DDX19A: variants seen among roughly 807,000 people sequenced by gnomAD.
The protein encoded by DDX19A is ATP-dependent RNA helicase DDX19A.
Under a neutral mutation model 60.6 loss-of-function variants are expected in DDX19A, and 12 were observed. The ratio of observed to expected loss-of-function variants is 0.20; its 90% CI spans 0.13 to 0.32. The LOEUF is 0.32. Ranked by LOEUF, DDX19A falls within the 10% of genes least tolerant of loss-of-function variation. The probability of loss-of-function intolerance (pLI) is 1.00; values close to 1 mark genes in which losing one functional copy is unlikely to be tolerated. For missense variants in DDX19A, 337 were observed against 600.6 expected (o/e 0.56, Z 4.59); for synonymous variants, 206 against 218.2 (o/e 0.94, Z 0.49).
chr16:70,348,101 T>C (rs1963896332), intron 1 of DDX19A: 7 of 313,912 alleles, frequency 2.2e-5, no homozygotes, highest in Admixed American at 1.7e-4. Context: ...GAAATATCAG[T>C]GTAGAAGTTA....
Position 70,346,930 on chromosome 16 carries a change from G to T in DDX19A, c.-62G>T, listed in dbSNP as rs746670593. 2 of 1,541,450 alleles carry T rather than the reference G, an allele frequency of 1.3e-6. No homozygotes were observed. The highest frequency in any genetic ancestry group is 1.4e-5 in the African/African-American group (1 of 73,786). ...ATTCTCGCGCCGGTGGCGAGGTTAGGGCCCGCGTTGCGACGTGGTGCAGCG... is the reference window on the plus strand; with the variant it reads ...ATTCTCGCGCCGGTGGCGAGGTTAGTGCCCGCGTTGCGACGTGGTGCAGCG... On this transcript the variant is annotated 5_prime_UTR_variant, in exon 1 of 12. Coordinates refer to ENST00000302243, the MANE Select transcript of DDX19A (RefSeq NM_018332.5).
intron 1 of DDX19A, 155 bp downstream of exon 1, chr16:70,347,203 T>C: frequency 4.2e-6 from 3 of 717,398 alleles, no homozygotes; most frequent in South Asian, 3.2e-5. Flanking sequence ...CTCTTAGAGC[T>C]AAAGAGACCA....
intron 3 of DDX19A, 125 bp downstream of exon 3, chr16:70,355,660 A>G (rs901921354): frequency 1.3e-6 from 1 of 790,842 alleles, no homozygotes; most frequent in African/African-American, 1.7e-5. Flanking sequence ...ATAGTCAGTG[A>G]GAGGAGGAGA....
intron 6 of DDX19A, 29 bp downstream of exon 6, chr16:70,364,674 G>C (rs1292315286): frequency 6.4e-7 from 1 of 1,570,298 alleles, no homozygotes; most frequent in African/African-American, 1.4e-5. Flanking sequence ...GGGTGTCCTA[G>C]GTTGCCTGCC....
chr16:70,361,372 A>C, intron 4 of DDX19A, 46 bp from the exon 5 acceptor site: 1 of 1,400,380 alleles, frequency 7.1e-7, no homozygotes, highest in Non-Finnish European at 1.0e-6. Flanking sequence ...CCTCTAAAAC[A>C]ATTCTAACTT....
At chr16:70,366,365 C>A in intron 8 of DDX19A, 103 bp downstream of exon 8, 2 of 1,513,830 alleles carry the variant, frequency 1.3e-6, no homozygotes, top group South Asian at 1.2e-5. Flanking sequence ...TCTTGGCTCT[C>A]GTACTCTCAG....
rs778877553 is a variant in DDX19A, at chr16:70,365,115, C to T, written c.588C>T (p.Ala196=). ...ACCCAGAACTGAAGCTTGCCTATGC[C>T]GTTCGAGGCAATAAATGTGAGTACG... ...KFYPELKLAY[A]VRGNKLERGQ... Residue 196 remains alanine, a synonymous_variant, in exon 7 of 12, where the codon GCC becomes GCT. Coordinates refer to ENST00000302243, the MANE Select transcript of DDX19A (RefSeq NM_018332.5). 75 of 1,613,002 alleles carry T rather than the reference C, an allele frequency of 4.6e-5. 1 individual carries two copies. In the Middle Eastern group the frequency reaches 6.6e-4, roughly 14 times the overall value.
At chr16:70,359,941 C>G (rs1032152764) in intron 4 of DDX19A, among the ~76,000 whole-genome samples, 8 of 152,104 alleles carry the variant, frequency 5.3e-5, no homozygotes, top group Non-Finnish European at 1.0e-4. Context: ...AATCGAACCA[C>G]CTTTATTTAC....
Position 70,371,398 on chromosome 16 carries a change from G to A in DDX19A, c.1210G>A (p.Val404Ile), listed in dbSNP as rs1441395623. ...RGIDVEQVSV[V>I]INFDLPVDKD... ...CATTGATGTTGAACAAGTGTCTGTC[G>A]TCATCAACTTTGATCTTCCCGTGGA... The change falls in exon 11 of 12, where the codon GTC becomes ATC. Residue 404 changes from valine to isoleucine, a missense_variant. By Grantham distance (29) the Val-to-Ile change is conservative. Transcript: ENST00000302243. 2 of 1,613,144 alleles carry A rather than the reference G, an allele frequency of 1.2e-6. No individual in the cohort carries two copies. The highest frequency in any genetic ancestry group is 2.2e-5 in the East Asian group (1 of 44,868).
rs183177419 is a variant in DDX19A at position 70,350,273 on chromosome 16, G to C, written c.58-284G>C. Among the ~76,000 whole-genome samples the C allele has an allele frequency of 8.5e-5, 13 of 152,178 alleles. No homozygotes were observed. In the East Asian group the frequency reaches 1.7e-3, roughly 20 times the overall value. On this transcript the variant is annotated intron_variant, in intron 1 of 11. Coordinates refer to ENST00000302243, the MANE Select transcript of DDX19A (RefSeq NM_018332.5). The stretch of plus-strand genomic sequence containing the variant: ...GTCTCAGAAAATAAATAAATAGAAA[G>C]AACTTGAGTTGGGAGATGAGCAGAG...
At position 70,372,201 on chromosome 16, in the gene DDX19A, CT is replaced by C; in HGVS notation, c.*218del. ...AATTTGCATTTTGGAAAATTGGGTCCTTTCCCCACTTTTTTAAAGCCACATT... is the reference window on the plus strand; with the variant it reads ...AATTTGCATTTTGGAAAATTGGGTCCTTCCCCACTTTTTTAAAGCCACATT... On this transcript the variant is annotated 3_prime_UTR_variant, in exon 12 of 12. Transcript: ENST00000302243. 3.0e-6 allele frequency: 2 copies of C among 676,696 alleles called. No individual in the cohort carries two copies. The highest frequency in any genetic ancestry group is 5.0e-6 in the Non-Finnish European group (2 of 399,990). The allele number at this position is 676,696 out of a possible 1,614,324, so 41.9% of individuals were successfully genotyped here. A position where few individuals can be genotyped will look rare whatever the true frequency, so the allele number is the denominator to read the frequency against.
At chr16:70,347,710 G>C (rs1240005421) in intron 1 of DDX19A, among the ~76,000 whole-genome samples, 1 of 152,032 alleles carries the variant, frequency 6.6e-6, no homozygotes, top group Non-Finnish European at 1.5e-5. Flanking sequence ...TCTCTTTTGA[G>C]GCAGAGTTTT....
At chr16:70,368,514 A>C (rs1007644175) in intron 9 of DDX19A, among the ~76,000 whole-genome samples, 1 of 152,058 alleles carries the variant, frequency 6.6e-6, no homozygotes, top group Non-Finnish European at 1.5e-5. Context: ...CAGGTGATCC[A>C]ACTGCCATGG....
chr16:70,361,186 C>T (rs1964354161), intron 4 of DDX19A, among the ~76,000 whole-genome samples: 1 of 152,200 alleles, frequency 6.6e-6, no homozygotes, highest in Non-Finnish European at 1.5e-5. Context: ...AGAAAAGAAA[C>T]CATTCTGTAT....
Position 70,364,935 on chromosome 16 carries a change from T to C in DDX19A, c.490-82T>C, listed in dbSNP as rs1964471467. On this transcript the variant is annotated intron_variant, in intron 6 of 11. Transcript: ENST00000302243. ...ATGCTTCCCTGTGCTATTCAAGTGC[T>C]AATAACATCAGCATACTGGGTGCCT... The C allele has an allele frequency of 2.8e-5, 29 of 1,053,350 alleles. No homozygotes were observed. In the South Asian group the frequency reaches 3.2e-4, roughly 12 times the overall value. 65.3% of individuals were successfully genotyped at this position (1,053,350 alleles called of 1,614,324 possible). A position where few individuals can be genotyped will look rare whatever the true frequency, so the allele number is the denominator to read the frequency against.
chr16:70,357,959 T>G (rs1964262294), intron 4 of DDX19A, among the ~76,000 whole-genome samples: 1 of 152,200 alleles, frequency 6.6e-6, no homozygotes, highest in African/African-American at 2.4e-5. Flanking sequence ...AAGAGACACT[T>G]AAAACAAGAA....
chr16:70,353,931 C>T (rs1161783377), intron 2 of DDX19A, among the ~76,000 whole-genome samples: 1 of 150,334 alleles, frequency 6.7e-6, no homozygotes, highest in Non-Finnish European at 1.5e-5. Flanking sequence ...CAGGCTCTTG[C>T]TCTGTCACCC....
intron 2 of DDX19A, 26 bp downstream of exon 2, chr16:70,350,631 GA>G: frequency 6.3e-7 from 1 of 1,587,084 alleles, no homozygotes; most frequent in Non-Finnish European, 8.6e-7. Context: ...CTACAAGCTA[GA>G]AAAGAGTTCC....
chr16:70,367,382 C>A (rs1254018652), intron 9 of DDX19A, among the ~76,000 whole-genome samples: 1 of 149,540 alleles, frequency 6.7e-6, no homozygotes, highest in Non-Finnish European at 1.5e-5. Flanking sequence ...GAGCCGAGAT[C>A]ACACCACGGC....
Sources: allele counts gnomAD v4.1 joint callset (sites outside exome capture counted in the v4.1 genomes callset), GRCh38; gene constraint gnomAD v4.1.1; transcripts MANE v1.5; gene names NCBI Gene and HGNC (gene_info 2026-07-23, HGNC 2026-07-21).